HLA-DMA: variants seen among roughly 807,000 people sequenced by gnomAD.
HLA-DMA encodes the protein HLA class II histocompatibility antigen, DM alpha chain.
Under a neutral mutation model 27.3 loss-of-function variants are expected in HLA-DMA, and 20 were observed. The ratio of observed to expected loss-of-function variants is 0.73; its 90% CI spans 0.52 to 1.07. The LOEUF is 1.07. Among genes scored for constraint, HLA-DMA ranks in the 50% least tolerant of loss-of-function variants. The pLI is 0.00. For missense variants in HLA-DMA, 241 were observed against 321.7 expected (o/e 0.75, Z 1.92); for synonymous variants, 111 against 126.8 (o/e 0.88, Z 0.83).
rs1202805487 is a variant in HLA-DMA at position 32,950,312 on chromosome 6, A to G, written c.373+207T>C. The stretch of plus-strand genomic sequence containing the variant: ...CTGTTGAATTCATCACATTCAATAC[A>G]TAGTTCTGAATGCCTACTACATGCT... On this transcript the variant is annotated intron_variant, in intron 2 of 4. Coordinates refer to ENST00000374843, the MANE Select transcript of HLA-DMA (RefSeq NM_006120.4). The surrounding 1 kb of genome is among the most constrained non-coding windows in gnomAD (Gnocchi z 5.0). 4.6e-6 allele frequency: 3 copies of G among 645,468 alleles called. No individual in the cohort carries two copies. Among genetic ancestry groups the G allele is most frequent in the Non-Finnish European group, 8.2e-6 (3 of 365,324 alleles). The allele number at this position is 645,468 out of a possible 1,614,324, so 40.0% of individuals were successfully genotyped here.
chr6:32,951,915 C>T (rs368116127), intron 1 of HLA-DMA, among the ~76,000 whole-genome samples: 17 of 151,708 alleles, frequency 1.1e-4, no homozygotes, highest in African/African-American at 3.1e-4. Flanking sequence ...GGTGACAGAG[C>T]GAGATGCCGT....
chr6:32,949,337 GGCCAAAGGCCAC>G lies in HLA-DMA; in HGVS notation c.703_714del (p.Val235_Gly238del). On this transcript the variant is annotated inframe_deletion, in exon 4 of 5. Coordinates refer to ENST00000374843, the MANE Select transcript of HLA-DMA (RefSeq NM_006120.4). This position sits in a 1 kb window ranked among gnomAD's most constrained non-coding sequence, Gnocchi z 5.8. ...CCCACGATGATGCCCAGCACACCCA[GGCCAAAGGCCAC>G]GCCACACAGCACATTCTCCAGCAGA... 1 of 1,614,160 alleles carries G rather than the reference GGCCAAAGGCCAC, an allele frequency of 6.2e-7. No homozygotes were observed. Among genetic ancestry groups the G allele is most frequent in the Non-Finnish European group, 8.5e-7 (1 of 1,180,034 alleles).
chr6:32,949,617 A>G lies in HLA-DMA; in HGVS notation c.646T>C (p.Tyr216His), dbSNP rs1215397644. 6 of 1,612,942 alleles carry G rather than the reference A, an allele frequency of 3.7e-6. No homozygotes were observed. Among genetic ancestry groups the G allele is most frequent in the Admixed American group, 1.7e-5 (1 of 60,002 alleles). The change falls in exon 3 of 5, where the codon TAT becomes CAT. Residue 216 changes from tyrosine to histidine, a missense_variant. Coordinates refer to ENST00000374843, the MANE Select transcript of HLA-DMA (RefSeq NM_006120.4). The surrounding 1 kb of genome is among the most constrained non-coding windows in gnomAD (Gnocchi z 5.8). Reference sequence around the variant, plus strand: ...TCCAGGGAGAAAGCCTCACCCCAATAGGCAATTGCTGTGTAGCGGTCAATT... The same window carrying G: ...TCCAGGGAGAAAGCCTCACCCCAATGGGCAATTGCTGTGTAGCGGTCAATT... ...HEIDRYTAIA[Y>H]WVPRNALPSD...
chr6:32,949,170 G>C lies in HLA-DMA; in HGVS notation c.781+101C>G. 1 of 1,506,254 alleles carries C rather than the reference G, an allele frequency of 6.6e-7. No individual in the cohort carries two copies. The highest frequency in any genetic ancestry group is 9.1e-7 in the Non-Finnish European group (1 of 1,096,592). 93.3% of individuals were successfully genotyped at this position (1,506,254 alleles called of 1,614,324 possible). A position where few individuals can be genotyped will look rare whatever the true frequency, so the allele number is the denominator to read the frequency against. Reference sequence around the variant, plus strand: ...CCCCACACCCAAGGGCCTGAGGATCGCTATATGTCCCCCCATGCCACAAAA... The same window carrying C: ...CCCCACACCCAAGGGCCTGAGGATCCCTATATGTCCCCCCATGCCACAAAA... On this transcript the variant is annotated intron_variant, in intron 4 of 4. Coordinates refer to ENST00000374843, the MANE Select transcript of HLA-DMA (RefSeq NM_006120.4). This position sits in a 1 kb window ranked among gnomAD's most constrained non-coding sequence, Gnocchi z 5.8.
Position 32,950,515 on chromosome 6 carries a change from T to C in HLA-DMA, c.373+4A>G. The C allele has an allele frequency of 6.2e-7, 1 of 1,613,054 alleles. No homozygotes were observed. Among genetic ancestry groups the C allele is most frequent in the Non-Finnish European group, 8.5e-7 (1 of 1,179,994 alleles). ...CTCCCTTCACTCCCCAGAAAACTCC[T>C]GACCTCTGGACACCGGGATTTTCCC... On this transcript the variant is annotated splice_donor_region_variant and intron_variant, in intron 2 of 4. Coordinates refer to ENST00000374843, the MANE Select transcript of HLA-DMA (RefSeq NM_006120.4). This position sits in a 1 kb window ranked among gnomAD's most constrained non-coding sequence, Gnocchi z 5.0.
Position 32,950,663 on chromosome 6 carries a change from T to G in HLA-DMA, c.229A>C (p.Thr77Pro). The G allele has an allele frequency of 6.2e-7, 1 of 1,612,944 alleles. No homozygotes were observed. Among genetic ancestry groups the G allele is most frequent in the Non-Finnish European group, 8.5e-7 (1 of 1,180,004 alleles). The change falls in exon 2 of 5, where the codon ACT (threonine) becomes CCT (proline). Residue 77 changes from threonine (T) to proline (P), a missense_variant. Thr to Pro is a conservative substitution (Grantham distance 38, BLOSUM62 -1). Coordinates refer to ENST00000374843, the MANE Select transcript of HLA-DMA (RefSeq NM_006120.4). This position sits in a 1 kb window ranked among gnomAD's most constrained non-coding sequence, Gnocchi z 5.0. ...AATTCGGGCAGGCGAGGCACCCGAG[T>G]GTTCTGGGAAAAGTCGAAGAAGAAA... ...QLFFFDFSQN[T>P]RVPRLPEFAD...
Position 32,950,220 on chromosome 6 carries a change from C to G in HLA-DMA, c.373+299G>C. ...ATAGTCACGTCATCAGATATTTCCA[C>G]TCTTCCCATCCATCTTGCTGGGCAT... On this transcript the variant is annotated intron_variant, in intron 2 of 4. Transcript: ENST00000374843. The surrounding 1 kb of genome is among the most constrained non-coding windows in gnomAD (Gnocchi z 5.0). 1.7e-6 allele frequency: 1 copy of G among 591,140 alleles called. No homozygotes were observed. The highest frequency in any genetic ancestry group is 3.0e-6 in the Non-Finnish European group (1 of 333,412). 36.6% of individuals were successfully genotyped at this position (591,140 alleles called of 1,614,324 possible).
chr6:32,949,345 G>A lies in HLA-DMA; in HGVS notation c.707C>T (p.Ala236Val). The change falls in exon 4 of 5, where the codon GCC becomes GTC. Residue 236 changes from alanine to valine, a missense_variant. By Grantham distance (64) the Ala-to-Val change is moderately conservative (BLOSUM62 0). Transcript: ENST00000374843. The surrounding 1 kb of genome is among the most constrained non-coding windows in gnomAD (Gnocchi z 5.8). ...DLLENVLCGV[A>V]FGLGVLGIIV... is the part of the protein sequence containing the mutation. ...GATGCCCAGCACACCCAGGCCAAAG[G>A]CCACGCCACACAGCACATTCTCCAG... 1 of 1,614,168 alleles carries A rather than the reference G, an allele frequency of 6.2e-7. No homozygotes were observed. Among genetic ancestry groups the A allele is most frequent in the South Asian group, 1.1e-5 (1 of 91,080 alleles).
In HLA-DMA at chr6:32,948,853, G is replaced by A. The variant is rs2127479561; in HGVS notation, c.*11C>T. 6.2e-7 allele frequency: 1 copy of A among 1,613,968 alleles called. No homozygotes were observed. Among genetic ancestry groups the A allele is most frequent in the South Asian group, 1.1e-5 (1 of 91,074 alleles). The stretch of plus-strand genomic sequence containing the variant: ...CCGAAGCTGCTGGCATCAAACTCTG[G>A]TCTGGAAGAATCAGTCTGGGGGAGA... On this transcript the variant is annotated 3_prime_UTR_variant, in exon 5 of 5. Coordinates refer to ENST00000374843, the MANE Select transcript of HLA-DMA (RefSeq NM_006120.4).
intron 4 of HLA-DMA, 49 bp from the exon 5 acceptor site, chr6:32,948,917 C>T (rs745525804): frequency 3.8e-6 from 6 of 1,585,686 alleles, no homozygotes; most frequent in Non-Finnish European, 3.4e-6. Context: ...ATCCATCCTC[C>T]TCCTCCTTCT....
intron 1 of HLA-DMA, chr6:32,952,582 A>G (rs879188264): frequency 3.3e-4 from 139 of 417,598 alleles, no homozygotes; most frequent in African/African-American, 2.3e-3. Flanking sequence ...GAATCACAAG[A>G]TAAGTTAATG....
chr6:32,950,111 G>C lies in HLA-DMA; in HGVS notation c.374-222C>G, dbSNP rs1776829768. 1 of 604,394 alleles carries C rather than the reference G, an allele frequency of 1.7e-6. No homozygotes were observed. Among genetic ancestry groups the C allele is most frequent in the Non-Finnish European group, 2.9e-6 (1 of 342,760 alleles). The allele number at this position is 604,394 out of a possible 1,614,324, so 37.4% of individuals were successfully genotyped here. A position where few individuals can be genotyped will look rare whatever the true frequency, so the allele number is the denominator to read the frequency against. ...GCAGAGCCAGATCCAGGCTACTCTG[G>C]ACCCCTCCACCATGACTTCCTTCAG... On this transcript the variant is annotated intron_variant, in intron 2 of 4. Coordinates refer to ENST00000374843, the MANE Select transcript of HLA-DMA (RefSeq NM_006120.4). The surrounding 1 kb of genome is among the most constrained non-coding windows in gnomAD (Gnocchi z 5.0).
Position 32,950,633 on chromosome 6 carries a change from C to A in HLA-DMA, c.259G>T (p.Asp87Tyr). 6.2e-7 allele frequency: 1 copy of A among 1,613,090 alleles called. No homozygotes were observed. Among genetic ancestry groups the A allele is most frequent in the Admixed American group, 1.7e-5 (1 of 60,026 alleles). Reference protein sequence around the residue: ...TRVPRLPEFADWAQEQGDAPA... With the variant: ...TRVPRLPEFAYWAQEQGDAPA... ...GCATCTCCCTGTTCCTGAGCCCAGT[C>A]AGCAAATTCGGGCAGGCGAGGCACC... Residue 87 changes from aspartate to tyrosine, a missense_variant, in exon 2 of 5, where the codon GAC becomes TAC. Asp to Tyr is a radical substitution (Grantham distance 160, BLOSUM62 -3). Transcript: ENST00000374843. This position sits in a 1 kb window ranked among gnomAD's most constrained non-coding sequence, Gnocchi z 5.0.
At chr6:32,951,885 C>T (rs923667106) in intron 1 of HLA-DMA, among the ~76,000 whole-genome samples, 5 of 151,950 alleles carry the variant, frequency 3.3e-5, no homozygotes, top group Admixed American at 6.6e-5. Context: ...GCCGAGATCA[C>T]GTCACTGCAC....
Position 32,950,839 on chromosome 6 carries a change from G to T in HLA-DMA, c.89-36C>A. The stretch of plus-strand genomic sequence containing the variant: ...CACAGGGTGAGGTTCAGGGAGGTGG[G>T]AGCCTTCTCCTCCAACTTAAAAAAC... On this transcript the variant is annotated intron_variant, in intron 1 of 4. Transcript: ENST00000374843. The surrounding 1 kb of genome is among the most constrained non-coding windows in gnomAD (Gnocchi z 5.0). The T allele has an allele frequency of 6.3e-7, 1 of 1,591,916 alleles. No individual in the cohort carries two copies.
rs1776822742 is a variant in HLA-DMA, at chr6:32,949,940, A to G, written c.374-51T>C. On this transcript the variant is annotated intron_variant, in intron 2 of 4. Coordinates refer to ENST00000374843, the MANE Select transcript of HLA-DMA (RefSeq NM_006120.4). The surrounding 1 kb of genome is among the most constrained non-coding windows in gnomAD (Gnocchi z 5.8). The stretch of plus-strand genomic sequence containing the variant: ...GGAAAAAGAGACTAGTTTAGATGGT[A>G]TCTCTGTGTTTGGAGGGGCCATGGC... The G allele has an allele frequency of 1.9e-6, 3 of 1,583,054 alleles. No homozygotes were observed. The highest frequency in any genetic ancestry group is 2.7e-5 in the African/African-American group (2 of 74,240).
rs1236301520 is a variant in HLA-DMA, at chr6:32,952,970, G to A, written c.67C>T (p.His23Tyr). Residue 23 changes from histidine to tyrosine, a missense_variant, in exon 1 of 5, where the codon CAC (histidine) becomes TAC (tyrosine). Physicochemically the swap from His to Tyr is moderately conservative, Grantham distance 83 (BLOSUM62 2). Coordinates refer to ENST00000374843, the MANE Select transcript of HLA-DMA (RefSeq NM_006120.4). ...TTACCTTCAGGGACGGCCCAGGAGT[G>A]GGGTAGCAGCCACAGAAGTGGTAAC... ...QMLPLLWLLP[H>Y]SWAVPEAPTP... The A allele has an allele frequency of 6.2e-7, 1 of 1,612,666 alleles. No individual in the cohort carries two copies. The highest frequency in any genetic ancestry group is 8.5e-7 in the Non-Finnish European group (1 of 1,179,730).
Position 32,949,855 on chromosome 6 carries a change from G to A in HLA-DMA, c.408C>T (p.Pro136=), listed in dbSNP as rs774751127. ...AAGTGTTGGGCTTGCCAAACTCCAG[G>A]GGCTTCAGCGTGAACACTTCAGCGA... is the stretch of plus-strand genomic sequence containing the variant. The part of the protein sequence containing the change: ...FPIAEVFTLK[P]LEFGKPNTLV... Residue 136 remains proline, a synonymous_variant, in exon 3 of 5, where the codon CCC becomes CCT. Transcript: ENST00000374843. The surrounding 1 kb of genome is among the most constrained non-coding windows in gnomAD (Gnocchi z 5.8). The A allele has an allele frequency of 6.8e-6, 11 of 1,612,910 alleles. No individual in the cohort carries two copies. Among genetic ancestry groups the A allele is most frequent in the Non-Finnish European group, 7.6e-6 (9 of 1,180,040 alleles).
chr6:32,950,696 C>T lies in HLA-DMA; in HGVS notation c.196G>A (p.Asp66Asn), dbSNP rs1326823389. The change falls in exon 2 of 5, where the codon GAC (aspartate) becomes AAC (asparagine). Residue 66 changes from aspartate (D) to asparagine (N), a missense_variant. By Grantham distance (23) the Asp-to-Asn change is conservative. Coordinates refer to ENST00000374843, the MANE Select transcript of HLA-DMA (RefSeq NM_006120.4). The surrounding 1 kb of genome is among the most constrained non-coding windows in gnomAD (Gnocchi z 5.0). ...SVGLSEAYDE[D>N]QLFFFDFSQN... ...GAAAAGTCGAAGAAGAAAAGCTGGT[C>T]CTCGTCGTAGGCCTCAGAGAGTCCC... 1 of 1,612,982 alleles carries T rather than the reference C, an allele frequency of 6.2e-7. No individual in the cohort carries two copies.
Sources: gnomAD v4.1 joint callset for allele counts (sites outside exome capture counted in the v4.1 genomes callset) on GRCh38, gnomAD v4.1.1 for gene constraint, Gnocchi (gnomAD v3.1) non-coding constraint, MANE v1.5 for transcripts, NCBI Gene and HGNC (gene_info 2026-07-23, HGNC 2026-07-21) for gene names.